WASF3: variants seen among roughly 807,000 people sequenced by gnomAD.
WASF3 encodes the protein actin-binding protein WASF3.
In WASF3, 11 loss-of-function variants were observed where a neutral mutation model predicts 46.6. That is an observed-to-expected ratio of 0.24 (90% CI 0.15 to 0.39). WASF3 has a LOEUF of 0.39. WASF3 is among the 10% of genes least tolerant of loss of function. WASF3 has a pLI of 1.00. For synonymous variants in WASF3, 242 were observed against 259.7 expected (o/e 0.93, Z 0.65); for missense variants, 576 against 669.8 (o/e 0.86, Z 1.55).
intron 1 of WASF3, among the ~76,000 whole-genome samples, chr13:26,588,234 G>T (rs894856260): frequency 6.6e-6 from 1 of 152,214 alleles, no homozygotes; most frequent in African/African-American, 2.4e-5. Context: ...TAACCCTAGA[G>T]TGTAAGTCTG....
chr13:26,580,435 T>C lies in WASF3; in HGVS notation c.-109+22616T>C, dbSNP rs370961814. Among the ~76,000 whole-genome samples, 8 of 152,178 alleles carry C rather than the reference T, an allele frequency of 5.3e-5. No individual in the cohort carries two copies. In the East Asian group the frequency reaches 1.3e-3, roughly 26 times the overall value. ...AATGGTGCTAAACTTTCCATGGGCT[T>C]TGTCTAAAACTCGACAAGCATTAGA... On this transcript the variant is annotated intron_variant, in intron 1 of 9. Coordinates refer to ENST00000335327, the MANE Select transcript of WASF3 (RefSeq NM_006646.6).
Position 26,682,600 on chromosome 13 carries a change from C to A in WASF3, c.984-7C>A. ...CTTGGTGACTATGTGCCTCATATCTCTCTCAGGATGCTCCCAGCGCAGATA... is the reference window on the plus strand; with the variant it reads ...CTTGGTGACTATGTGCCTCATATCTATCTCAGGATGCTCCCAGCGCAGATA... On this transcript the variant is annotated splice_region_variant and splice_polypyrimidine_tract_variant and intron_variant, in intron 8 of 9. Transcript: ENST00000335327. The surrounding 1 kb of genome is among the most constrained non-coding windows in gnomAD (Gnocchi z 4.4). The A allele has an allele frequency of 1.2e-6, 2 of 1,614,118 alleles. No homozygotes were observed. The highest frequency in any genetic ancestry group is 1.7e-6 in the Non-Finnish European group (2 of 1,180,026).
chr13:26,667,773 A>G (rs1882816554), intron 5 of WASF3, 103 bp downstream of exon 5: 3 of 1,168,076 alleles, frequency 2.6e-6, no homozygotes, highest in South Asian at 2.0e-5. Context: ...TTGATGGTTC[A>G]TCTGGGTTAA....
chr13:26,548,753 A>G, the WASF3 span, among the ~76,000 whole-genome samples: 2 of 152,054 alleles, frequency 1.3e-5, no homozygotes, highest in East Asian at 3.9e-4. Context: ...GCATTCCCCC[A>G]ACTCACCAGC....
chr13:26,644,608 G>A (rs1882094950), intron 3 of WASF3, among the ~76,000 whole-genome samples: 1 of 152,188 alleles, frequency 6.6e-6, no homozygotes, highest in South Asian at 2.1e-4. Flanking sequence ...ACACCCATGT[G>A]TCTGGATGGA....
At chr13:26,592,481 G>A (rs1282416412) in intron 1 of WASF3, among the ~76,000 whole-genome samples, 1 of 152,130 alleles carries the variant, frequency 6.6e-6, no homozygotes, top group Non-Finnish European at 1.5e-5. Context: ...TCAGTTCCTG[G>A]TGAGGGCCAT....
chr13:26,634,996 T>A (rs970879634), intron 2 of WASF3, among the ~76,000 whole-genome samples: 3 of 152,218 alleles, frequency 2.0e-5, no homozygotes, highest in Non-Finnish European at 4.4e-5. Flanking sequence ...AGTATCTTTG[T>A]GGTGTTCTCT....
At chr13:26,558,146 A>G (rs1010493101) in intron 1 of WASF3, among the ~76,000 whole-genome samples, 1 of 151,490 alleles carries the variant, frequency 6.6e-6, no homozygotes, top group Non-Finnish European at 1.5e-5. Context: ...GACTCGGGAC[A>G]GCCACCCGCC....
At chr13:26,600,280 A>G (rs1880605311) in intron 1 of WASF3, among the ~76,000 whole-genome samples, 1 of 152,218 alleles carries the variant, frequency 6.6e-6, no homozygotes, top group South Asian at 2.1e-4. Context: ...ATGGTCTCTG[A>G]AAAAAGGTTT....
intron 6 of WASF3, among the ~76,000 whole-genome samples, chr13:26,672,855 A>G (rs745373976): frequency 6.6e-6 from 1 of 152,182 alleles, no homozygotes; most frequent in Non-Finnish European, 1.5e-5. Flanking sequence ...CGAAAACAGC[A>G]TTAAAGGGAA....
rs182711043 is a variant in WASF3 at position 26,661,282 on chromosome 13, C to T, written c.134-3746C>T. On this transcript the variant is annotated intron_variant, in intron 3 of 9. Transcript: ENST00000335327. Reference sequence around the variant, plus strand: ...GCTCGTTACAGAACTCCCCATTTCCCTCTTCCTCTGACCCCTGGCAACCAC... The same window carrying T: ...GCTCGTTACAGAACTCCCCATTTCCTTCTTCCTCTGACCCCTGGCAACCAC... 1.2e-4 allele frequency among the ~76,000 whole-genome samples: 19 copies of T among 152,352 alleles called. 1 individual carries two copies. Among genetic ancestry groups the T allele is most frequent in the Admixed American group, 1.0e-3 (16 of 15,304 alleles).
chr13:26,682,720 C>A lies in WASF3; in HGVS notation c.1097C>A (p.Pro366His). 1.2e-6 allele frequency: 2 copies of A among 1,614,046 alleles called. No individual in the cohort carries two copies. Among genetic ancestry groups the A allele is most frequent in the Non-Finnish European group, 1.7e-6 (2 of 1,180,040 alleles). The change falls in exon 9 of 10, where the codon CCC becomes CAC. Residue 366 changes from proline to histidine, a missense_variant. Pro to His is a moderately conservative substitution (Grantham distance 77). Coordinates refer to ENST00000335327, the MANE Select transcript of WASF3 (RefSeq NM_006646.6). The surrounding 1 kb of genome is among the most constrained non-coding windows in gnomAD (Gnocchi z 4.4). ...QTAFVSPLQM[P>H]MQPPFPASAS... ...GCCTTCGTCAGCCCTCTCCAGATGC[C>A]CATGCAGCCCCCGTTCCCTGCATCA...
chr13:26,661,075 T>C (rs1882615711), intron 3 of WASF3, among the ~76,000 whole-genome samples: 1 of 152,204 alleles, frequency 6.6e-6, no homozygotes, highest in Non-Finnish European at 1.5e-5. Flanking sequence ...TCACGAGGGA[T>C]CCACCCTTGT....
chr13:26,565,858 T>C (rs950728653), intron 1 of WASF3, among the ~76,000 whole-genome samples: 1 of 152,244 alleles, frequency 6.6e-6, no homozygotes, highest in African/African-American at 2.4e-5. Context: ...GCGTCTCTGC[T>C]GTTTGTCCAT....
intron 2 of WASF3, among the ~76,000 whole-genome samples, chr13:26,614,345 A>G (rs1881070382): frequency 6.6e-6 from 1 of 152,226 alleles, no homozygotes; most frequent in Admixed American, 6.5e-5. Context: ...ATTAAGCTAG[A>G]AATCAGTATC....
intron 3 of WASF3, among the ~76,000 whole-genome samples, chr13:26,642,937 CTG>C (rs1882042944): frequency 6.6e-6 from 1 of 152,120 alleles, no homozygotes; most frequent in African/African-American, 2.4e-5. Flanking sequence ...ATACTGATTT[CTG>C]CATTGAGGTG....
At chr13:26,571,201 C>T (rs932625916) in intron 1 of WASF3, among the ~76,000 whole-genome samples, 3 of 151,820 alleles carry the variant, frequency 2.0e-5, no homozygotes, top group Admixed American at 1.3e-4. Context: ...ATATATGTTA[C>T]AATATTTCTC....
intron 1 of WASF3, among the ~76,000 whole-genome samples, chr13:26,594,580 C>T (rs1264316781): frequency 6.6e-6 from 1 of 152,120 alleles, no homozygotes; most frequent in Non-Finnish European, 1.5e-5. Context: ...TGTTGTAGCT[C>T]CTGTATCACT....
In WASF3 at chr13:26,597,332, G is replaced by A. The variant is rs557746652; in HGVS notation, c.-108-15629G>A. Among the ~76,000 whole-genome samples, 8 of 152,168 alleles carry A rather than the reference G, an allele frequency of 5.3e-5. No homozygotes were observed. In the South Asian group the frequency reaches 8.3e-4, roughly 16 times the overall value. On this transcript the variant is annotated intron_variant, in intron 1 of 9. Coordinates refer to ENST00000335327, the MANE Select transcript of WASF3 (RefSeq NM_006646.6). ...GTATTTTTAGTAGAGATGGGGCTTC[G>A]CCATGTTGGCCAGGCTGATCTCGAA...
Sources: gnomAD v4.1 joint callset for allele counts (sites outside exome capture counted in the v4.1 genomes callset) on GRCh38, gnomAD v4.1.1 for gene constraint, Gnocchi (gnomAD v3.1) non-coding constraint, MANE v1.5 for transcripts, NCBI Gene and HGNC (gene_info 2026-07-23, HGNC 2026-07-21) for gene names.